The following TGFBR3 variants were observed in gnomAD, a reference collection of about 807,000 sequenced individuals.
TGFBR3 encodes the protein transforming growth factor beta receptor type 3.
Under a neutral mutation model 87.9 loss-of-function variants are expected in TGFBR3, and 46 were observed. That is an observed-to-expected ratio of 0.52 (90% confidence interval 0.41 to 0.67). The LOEUF (loss-of-function observed/expected upper bound fraction) is 0.67, where lower values mean the gene tolerates loss of function less well. Ranked by LOEUF, TGFBR3 falls within the 30% of genes least tolerant of loss-of-function variation. The pLI is 0.00. For missense variants in TGFBR3, 866 were observed against 1,041.9 expected (o/e 0.83, Z 2.32); for synonymous variants, 381 against 391.6 (o/e 0.97, Z 0.32).
chr1:91,731,165 T>C (rs1319863985), intron 5 of TGFBR3, among the ~76,000 whole-genome samples: 2 of 152,230 alleles, frequency 1.3e-5, no homozygotes, highest in African/African-American at 4.8e-5. Flanking sequence ...GCCTTTTCCA[T>C]TTTGAGGACA....
chr1:91,851,031 G>C (rs1215130892), intron 2 of TGFBR3, among the ~76,000 whole-genome samples: 1 of 152,156 alleles, frequency 6.6e-6, no homozygotes, highest in African/African-American at 2.4e-5. Flanking sequence ...TTTTCCTTTT[G>C]CCATATATGG....
chr1:91,711,155 T>C (rs1038452088), intron 13 of TGFBR3, among the ~76,000 whole-genome samples: 3 of 152,134 alleles, frequency 2.0e-5, no homozygotes, highest in Non-Finnish European at 4.4e-5. Flanking sequence ...GCCCCAACCC[T>C]GATGGTGAAT....
chr1:91,775,926 T>C (rs544858378), intron 3 of TGFBR3, among the ~76,000 whole-genome samples: 2 of 152,350 alleles, frequency 1.3e-5, no homozygotes, highest in Admixed American at 1.3e-4. Flanking sequence ...GGCAAAATAC[T>C]AACCTGTTTC....
At chr1:91,852,547 G>T (rs1451224409) in intron 2 of TGFBR3, among the ~76,000 whole-genome samples, 1 of 152,188 alleles carries the variant, frequency 6.6e-6, no homozygotes, top group Admixed American at 6.5e-5. Context: ...CTAAAATGCA[G>T]GCTACCCTAT....
chr1:91,771,140 C>T (rs758511784), intron 3 of TGFBR3, among the ~76,000 whole-genome samples: 1 of 152,162 alleles, frequency 6.6e-6, no homozygotes, highest in Non-Finnish European at 1.5e-5. Context: ...CCTTTTATCT[C>T]TAGGTTAATA....
intron 2 of TGFBR3, among the ~76,000 whole-genome samples, chr1:91,808,899 T>C (rs1286717029): frequency 6.6e-6 from 1 of 152,220 alleles, no homozygotes; most frequent in African/African-American, 2.4e-5. Flanking sequence ...TACTGCCTAA[T>C]TGGCTCAGAA....
At chr1:91,847,465 T>G (rs1677544291) in intron 2 of TGFBR3, among the ~76,000 whole-genome samples, 1 of 151,234 alleles carries the variant, frequency 6.6e-6, no homozygotes, top group African/African-American at 2.4e-5. Flanking sequence ...TAGCCAGGCG[T>G]GGTAGTGCAT....
chr1:91,688,597 GA>G (rs984563572), intron 16 of TGFBR3, among the ~76,000 whole-genome samples: 2 of 151,940 alleles, frequency 1.3e-5, no homozygotes, highest in African/African-American at 2.4e-5. Flanking sequence ...TGTGTAAGCA[GA>G]AAAAAAATCT....
chr1:91,880,523 G>A (rs1344800370), intron 1 of TGFBR3, among the ~76,000 whole-genome samples: 2 of 152,104 alleles, frequency 1.3e-5, no homozygotes, highest in Non-Finnish European at 2.9e-5. Flanking sequence ...GCGTGAACCA[G>A]GGAGGCGGAG....
At chr1:91,763,983 CT>C (rs1571485875) in intron 3 of TGFBR3, among the ~76,000 whole-genome samples, 1 of 152,198 alleles carries the variant, frequency 6.6e-6, no homozygotes, top group East Asian at 1.9e-4. Flanking sequence ...GGGTGTGGAG[CT>C]TTAAAATTTT....
At position 91,688,957 on chromosome 1, in the gene TGFBR3, G is replaced by A. The variant is rs149222544; in HGVS notation, c.2438-5100C>T. Among the ~76,000 whole-genome samples, 66 of 152,148 alleles carry A rather than the reference G, an allele frequency of 4.3e-4. 3 individuals carry two copies. The East Asian group carries it at 9.1e-3, about 21-fold the overall frequency. ...TCAGACAGATGCAGCTGGAACAGAC[G>A]GAAACCCCAATGTGACTGTAAAGAA... On this transcript the variant is annotated intron_variant, in intron 16 of 16. Transcript: ENST00000212355.
At chr1:91,704,368 A>G (rs1671723462) in intron 14 of TGFBR3, among the ~76,000 whole-genome samples, 1 of 151,262 alleles carries the variant, frequency 6.6e-6, no homozygotes, top group African/African-American at 2.4e-5. Context: ...AAGAAAAGGG[A>G]GAAGTGGGGC....
intron 2 of TGFBR3, among the ~76,000 whole-genome samples, chr1:91,837,855 A>G (rs1369958239): frequency 6.6e-6 from 1 of 152,178 alleles, no homozygotes; most frequent in Non-Finnish European, 1.5e-5. Flanking sequence ...ACAGGCCCAA[A>G]AAGAAAAGTC....
chr1:91,793,214 A>T (rs1322601774), intron 3 of TGFBR3, among the ~76,000 whole-genome samples: 2 of 152,210 alleles, frequency 1.3e-5, no homozygotes, highest in African/African-American at 4.8e-5. Context: ...CAGGAAAATT[A>T]AAAATCTCTC....
chr1:91,755,405 T>A (rs756867979), intron 4 of TGFBR3, among the ~76,000 whole-genome samples: 7 of 152,252 alleles, frequency 4.6e-5, no homozygotes, highest in South Asian at 4.1e-4. Context: ...ACAACAGATG[T>A]TCCATCGTCT....
In TGFBR3 at chr1:91,767,737, A is replaced by T. The variant is rs1351240889; in HGVS notation, c.247-8987T>A. 4.0e-5 allele frequency among the ~76,000 whole-genome samples: 3 copies of T among 75,228 alleles called. 1 individual carries two copies. The highest frequency in any genetic ancestry group is 1.5e-4 in the African/African-American group (3 of 19,714). 49.4% of individuals were successfully genotyped at this position (75,228 alleles called of 152,430 possible). On this transcript the variant is annotated intron_variant, in intron 3 of 16. Coordinates refer to ENST00000212355, the MANE Select transcript of TGFBR3 (RefSeq NM_003243.5). ...GGGTGTTAGTCTTGGGACATAGAGG[A>T]GAATGGGAAGCTGCTCTATAGCAGT...
At chr1:91,775,679 A>G (rs2100946534) in intron 3 of TGFBR3, among the ~76,000 whole-genome samples, 1 of 152,346 alleles carries the variant, frequency 6.6e-6, no homozygotes, top group East Asian at 1.9e-4. Context: ...GGCACTTCTA[A>G]GTAAAGGCCA....
At chr1:91,687,936 A>G (rs1179329949) in intron 16 of TGFBR3, among the ~76,000 whole-genome samples, 2 of 152,232 alleles carry the variant, frequency 1.3e-5, no homozygotes, top group Non-Finnish European at 2.9e-5. Flanking sequence ...GCGATTTTCT[A>G]TCAATTAATG....
chr1:91,711,292 T>C (rs1671974912), intron 13 of TGFBR3, among the ~76,000 whole-genome samples: 2 of 152,230 alleles, frequency 1.3e-5, no homozygotes, highest in African/African-American at 4.8e-5. Flanking sequence ...AAAATTCTCT[T>C]GGGTGTTATC....
Sources: allele counts gnomAD v4.1 joint callset (sites outside exome capture counted in the v4.1 genomes callset), GRCh38; gene constraint gnomAD v4.1.1; transcripts MANE v1.5; gene names NCBI Gene and HGNC (gene_info 2026-07-23, HGNC 2026-07-21).